The following ALAD variants were observed in gnomAD, a reference collection of about 807,000 sequenced individuals.
ALAD encodes delta-aminolevulinic acid dehydratase.
In ALAD, 20 loss-of-function variants were observed where a neutral mutation model predicts 44.4. The ratio of observed to expected loss-of-function variants is 0.45; its 90% confidence interval spans 0.32 to 0.65. The LOEUF (loss-of-function observed/expected upper bound fraction) is 0.65. ALAD is among the 30% of genes least tolerant of loss of function. The pLI, the probability that ALAD is intolerant of heterozygous loss-of-function variation, is 0.05. For missense variants in ALAD, 323 were observed against 445.7 expected (o/e 0.72, Z 2.48); for synonymous variants, 156 against 167.9 (o/e 0.93, Z 0.55).
intron 10 of ALAD, 106 bp from the exon 11 acceptor site, chr9:113,389,212 C>A: frequency 6.5e-7 from 1 of 1,531,144 alleles, no homozygotes; most frequent in East Asian, 2.4e-5. Flanking sequence ...GCCCCGTGTC[C>A]TGGGTTACTG....
chr9:113,393,625 C>A lies in ALAD; in HGVS notation c.-66G>T. On this transcript the variant is annotated 5_prime_UTR_variant, in exon 2 of 12. Coordinates refer to ENST00000409155, the MANE Select transcript of ALAD (RefSeq NM_000031.6). ...CCGAGGGCTCCTGGGGCATTGGCTG[C>A]AGGCTCTGTCTGTGGGGGGTGATGG... is the stretch of plus-strand genomic sequence containing the variant. The A allele has an allele frequency of 1.5e-6, 2 of 1,347,916 alleles. No individual in the cohort carries two copies. Among genetic ancestry groups the A allele is most frequent in the Non-Finnish European group, 2.1e-6 (2 of 940,588 alleles). The allele number at this position is 1,347,916 out of a possible 1,614,324, so 83.5% of individuals were successfully genotyped here.
In ALAD at chr9:113,393,337, GCT is replaced by G. The variant is rs569494136; in HGVS notation, c.113+108_113+109del. The G allele has an allele frequency of 5.0e-4, 482 of 967,208 alleles. 2 individuals are homozygous for G. The Middle Eastern group carries it at 7.2e-3, about 14-fold the overall frequency. 59.9% of individuals were successfully genotyped at this position (967,208 alleles called of 1,614,324 possible). On this transcript the variant is annotated intron_variant, in intron 2 of 11. Coordinates refer to ENST00000409155, the MANE Select transcript of ALAD (RefSeq NM_000031.6). ...CAGTGCCTTGAATTTCAAGCTGACAGCTCACTTTGCCACCCCCAGCCATACTG... is the reference window on the plus strand; with the variant it reads ...CAGTGCCTTGAATTTCAAGCTGACAGCACTTTGCCACCCCCAGCCATACTG...
At chr9:113,391,681 G>C in intron 3 of ALAD, 58 bp from the exon 4 acceptor site, 2 of 1,385,496 alleles carry the variant, frequency 1.4e-6, no homozygotes, top group Non-Finnish European at 2.1e-6. Context: ...ACGGTCCTCC[G>C]GACCCCACCA....
rs4986829 is a variant in ALAD, at chr9:113,388,960, C to T, written c.931+17G>A. 80 of 1,613,766 alleles carry T rather than the reference C, an allele frequency of 5.0e-5. No individual in the cohort carries two copies. The African/African-American group carries it at 9.1e-4, about 18-fold the overall frequency. ...CCCTGTGGCGCAGGTCAAAACACCC[C>T]ACCCTTGCCTGCCTACCTGCTCTGC... On this transcript the variant is annotated intron_variant, in intron 11 of 11. Transcript: ENST00000409155.
At position 113,387,053 on chromosome 9, in the gene ALAD, A is replaced by G. The variant is rs1564365434; in HGVS notation, c.*1247T>C. Reference sequence around the variant, plus strand: ...TGTTAAAATACTTTTACAAACTACAAATTTGATTGAGTCACTCTGAAAAGG... The same window carrying G: ...TGTTAAAATACTTTTACAAACTACAGATTTGATTGAGTCACTCTGAAAAGG... On this transcript the variant is annotated 3_prime_UTR_variant, in exon 12 of 12. Transcript: ENST00000409155. The G allele has an allele frequency of 6.6e-6, 1 of 152,148 alleles. No homozygotes were observed. The highest frequency in any genetic ancestry group is 2.4e-5 in the African/African-American group (1 of 41,420). 9.4% of individuals were successfully genotyped at this position (152,148 alleles called of 1,614,324 possible).
At chr9:113,394,657 CTT>C (rs1827680095) in intron 1 of ALAD, among the ~76,000 whole-genome samples, 1 of 152,194 alleles carries the variant, frequency 6.6e-6, no homozygotes, top group African/African-American at 2.4e-5. Context: ...AACATTTAAA[CTT>C]TGTTTATTCC....
intron 3 of ALAD, 25 bp downstream of exon 3, chr9:113,392,094 G>A: frequency 1.3e-6 from 2 of 1,589,902 alleles, no homozygotes; most frequent in Non-Finnish European, 8.6e-7. Context: ...ACCACCCGCT[G>A]GCCCCCCAAC....
Position 113,390,863 on chromosome 9 carries a change from G to A in ALAD, c.332C>T (p.Thr111Ile), listed in dbSNP as rs1250598391. The change falls in exon 5 of 12, where the codon ACC becomes ATC. Residue 111 changes from threonine to isoleucine, a missense_variant. Physicochemically the swap from Thr to Ile is moderately conservative, Grantham distance 89. Transcript: ENST00000409155. ...AIEAIHLLRK[T>I]FPNLLVACDV... Reference sequence around the variant, plus strand: ...ACAGGCCACCAGGAGGTTGGGGAAGGTCTTCCTCAACAGATGGATTGCCTC... The same window carrying A: ...ACAGGCCACCAGGAGGTTGGGGAAGATCTTCCTCAACAGATGGATTGCCTC... 1 of 1,614,096 alleles carries A rather than the reference G, an allele frequency of 6.2e-7. No individual in the cohort carries two copies.
At chr9:113,393,409 C>CCCA (rs1554740964) in intron 2 of ALAD, 38 bp downstream of exon 2, 78 of 1,573,704 alleles carry the variant, frequency 5.0e-5, no homozygotes, top group Non-Finnish European at 6.6e-5. Context: ...CAACCCCAAC[C>CCCA]AGCAGAGCAG....
intron 3 of ALAD, 138 bp from the exon 4 acceptor site, chr9:113,391,761 G>A (rs1250935619): frequency 5.5e-6 from 4 of 732,138 alleles, no homozygotes; most frequent in Non-Finnish European, 9.7e-6. Flanking sequence ...AGGACAGAAG[G>A]GGCAGGGATG....
chr9:113,395,189 G>A (rs1385071650), intron 1 of ALAD, among the ~76,000 whole-genome samples: 1 of 152,144 alleles, frequency 6.6e-6, no homozygotes, highest in East Asian at 1.9e-4. Context: ...TGTATAGAGT[G>A]CCACCAAATC....
chr9:113,397,620 CTTT>C (rs554533853), intron 1 of ALAD, among the ~76,000 whole-genome samples: 16,642 of 106,978 alleles, frequency 0.16, 439 homozygotes, highest in African/African-American at 0.18. Context: ...TTTTCCTTTT[CTTT>C]TTTTTTTTTT....
intron 2 of ALAD, chr9:113,393,242 G>A: frequency 3.3e-6 from 2 of 614,028 alleles, no homozygotes; most frequent in Non-Finnish European, 5.9e-6. Context: ...TTTCCAAATG[G>A]GATGAATGAG....
intron 1 of ALAD, among the ~76,000 whole-genome samples, chr9:113,395,308 C>T (rs1037926010): frequency 5.3e-5 from 8 of 152,158 alleles, no homozygotes; most frequent in South Asian, 2.1e-4. Flanking sequence ...ACAGCCTCCC[C>T]GCACCCAAAT....
intron 1 of ALAD, chr9:113,397,213 A>T (rs1827754057): frequency 6.6e-6 from 1 of 152,202 alleles, no homozygotes; most frequent in Non-Finnish European, 1.5e-5. Flanking sequence ...TGGCTTCTGG[A>T]ATCCAAAGCT....
chr9:113,392,185 T>C lies in ALAD; in HGVS notation c.114-16A>G. The C allele has an allele frequency of 1.2e-6, 2 of 1,612,248 alleles. No homozygotes were observed. The highest frequency in any genetic ancestry group is 2.2e-5 in the East Asian group (1 of 44,832). On this transcript the variant is annotated splice_polypyrimidine_tract_variant and intron_variant, in intron 2 of 11. Transcript: ENST00000409155. ...AGGAACATCCCTGCAAGAGCGGGGGTGGGATATGGATTGGTAGCTGTGGGA... is the reference window on the plus strand; with the variant it reads ...AGGAACATCCCTGCAAGAGCGGGGGCGGGATATGGATTGGTAGCTGTGGGA...
chr9:113,395,086 G>A (rs1172262809), intron 1 of ALAD, among the ~76,000 whole-genome samples: 2 of 151,932 alleles, frequency 1.3e-5, no homozygotes, highest in Non-Finnish European at 2.9e-5. Flanking sequence ...AAAGAGAAAA[G>A]TACTTGGGAC....
intron 7 of ALAD, 41 bp from the exon 8 acceptor site, chr9:113,389,869 GCCAGGTATC>G (rs1827521685): frequency 1.2e-6 from 2 of 1,611,926 alleles, no homozygotes; most frequent in African/African-American, 2.7e-5. Context: ...TTCGGCCCTT[GCCAGGTATC>G]CCAGGGTGAT....
At chr9:113,390,291 G>A in intron 7 of ALAD, 114 bp downstream of exon 7, 1 of 1,104,022 alleles carries the variant, frequency 9.1e-7, no homozygotes, top group Non-Finnish European at 1.3e-6. Flanking sequence ...CAAAGTGCTG[G>A]GACTACAGGT....
Sources: allele counts gnomAD v4.1 joint callset (sites outside exome capture counted in the v4.1 genomes callset), GRCh38; gene constraint gnomAD v4.1.1; transcripts MANE v1.5; gene names NCBI Gene and HGNC (gene_info 2026-07-23, HGNC 2026-07-21).